ME1: variants seen among roughly 807,000 people sequenced by gnomAD.
ME1 encodes malic enzyme 1, also known as NADP-dependent malic enzyme.
Under a neutral mutation model 66.4 loss-of-function variants are expected in ME1, and 74 were observed. The ratio of observed to expected loss-of-function variants is 1.11; its 90% CI spans 0.92 to 1.35. ME1 has a LOEUF of 1.35. Ranked by LOEUF, ME1 falls within the 40% of genes most tolerant of loss-of-function variation. The pLI, the probability that ME1 is intolerant of heterozygous loss-of-function variation, is 0.00. For synonymous variants in ME1, 251 were observed against 235.6 expected (o/e 1.07, Z -0.60); for missense variants, 750 against 694.1 (o/e 1.08, Z -0.90).
intron 3 of ME1, 25 bp from the exon 4 acceptor site, chr6:83,352,164 GAGT>G (rs779749278): frequency 8.0e-7 from 1 of 1,253,592 alleles, no homozygotes; most frequent in Non-Finnish European, 1.1e-6. Context: ...AAAAAAAAAG[GAGT>G]AGTTTACATT....
intron 1 of ME1, 85 bp from the exon 2 acceptor site, chr6:83,407,986 T>C (rs1769980872): frequency 2.8e-6 from 4 of 1,432,138 alleles, no homozygotes; most frequent in Admixed American, 2.6e-5. Flanking sequence ...CTGACAAGTA[T>C]ATGCAATTAA....
chr6:83,371,615 ATTC>A (rs1313179358), intron 3 of ME1, among the ~76,000 whole-genome samples: 1 of 152,180 alleles, frequency 6.6e-6, no homozygotes, highest in Admixed American at 6.6e-5. Context: ...GTTCAAGCAA[ATTC>A]TTCTGATATG....
At chr6:83,413,865 T>G (rs557811432) in intron 1 of ME1, among the ~76,000 whole-genome samples, 2 of 151,980 alleles carry the variant, frequency 1.3e-5, no homozygotes, top group Non-Finnish European at 2.9e-5. Flanking sequence ...TCCCAGCACA[T>G]TGGGAGGGTA....
intron 6 of ME1, among the ~76,000 whole-genome samples, chr6:83,275,631 A>T (rs1229686720): frequency 6.8e-6 from 1 of 147,752 alleles, no homozygotes; most frequent in Non-Finnish European, 1.5e-5. Context: ...CGCCTGGCTA[A>T]TTTTTTTGTA....
chr6:83,280,254 T>A (rs774485419), intron 6 of ME1, among the ~76,000 whole-genome samples: 12 of 152,208 alleles, frequency 7.9e-5, no homozygotes, highest in South Asian at 6.2e-4. Flanking sequence ...ACCATTTTTT[T>A]AAAAAATAAT....
chr6:83,271,860 CT>C (rs1767087365), intron 6 of ME1, among the ~76,000 whole-genome samples: 1 of 151,980 alleles, frequency 6.6e-6, no homozygotes, highest in Non-Finnish European at 1.5e-5. Flanking sequence ...TTTTTTATTA[CT>C]TTTTTTAAAA....
At chr6:83,389,819 C>T (rs1393356895) in intron 3 of ME1, among the ~76,000 whole-genome samples, 3 of 152,026 alleles carry the variant, frequency 2.0e-5, no homozygotes, top group African/African-American at 4.8e-5. Flanking sequence ...AAAAATCACA[C>T]CTCTATGTAC....
At chr6:83,333,651 TTCTA>T (rs1271150319) in intron 5 of ME1, among the ~76,000 whole-genome samples, 1 of 152,132 alleles carries the variant, frequency 6.6e-6, no homozygotes, top group Non-Finnish European at 1.5e-5. Flanking sequence ...GTTGGAGCAT[TTCTA>T]TCTATTTTAA....
chr6:83,244,458 AG>A (rs1013183351), intron 7 of ME1, among the ~76,000 whole-genome samples: 2 of 152,150 alleles, frequency 1.3e-5, no homozygotes, highest in Non-Finnish European at 2.9e-5. Context: ...ATATACTAAT[AG>A]TACCTATAGG....
At chr6:83,262,830 A>C (rs1766922987) in intron 6 of ME1, among the ~76,000 whole-genome samples, 1 of 152,194 alleles carries the variant, frequency 6.6e-6, no homozygotes, top group African/African-American at 2.4e-5. Flanking sequence ...CTTTTTGGTA[A>C]TGTAGTAAGA....
chr6:83,358,212 C>A (rs192498645), intron 3 of ME1, among the ~76,000 whole-genome samples: 1 of 151,542 alleles, frequency 6.6e-6, no homozygotes, highest in Non-Finnish European at 1.5e-5. Flanking sequence ...TAGTCCTTGG[C>A]GTGAACTGTT....
chr6:83,366,484 T>C (rs576319466), intron 3 of ME1, among the ~76,000 whole-genome samples: 3 of 151,906 alleles, frequency 2.0e-5, no homozygotes, highest in Admixed American at 2.0e-4. Context: ...GAATTTGCCT[T>C]CAAAAAAGAA....
chr6:83,220,025 CA>C, intron 12 of ME1, among the ~76,000 whole-genome samples: 1 of 152,146 alleles, frequency 6.6e-6, no homozygotes, highest in Non-Finnish European at 1.5e-5. Context: ...TATAACGAAT[CA>C]ACTTCAAGTT....
At chr6:83,349,865 T>G (rs1017424050) in intron 4 of ME1, among the ~76,000 whole-genome samples, 1 of 152,210 alleles carries the variant, frequency 6.6e-6, no homozygotes, top group South Asian at 2.1e-4. Flanking sequence ...AATTTCCTTA[T>G]TATCTAAAAA....
At chr6:83,283,287 TG>T (rs1340724073) in intron 6 of ME1, among the ~76,000 whole-genome samples, 1 of 148,236 alleles carries the variant, frequency 6.7e-6, no homozygotes, top group Non-Finnish European at 1.5e-5. Context: ...TGGATGAAGC[TG>T]GAAACCATCC....
intron 1 of ME1, among the ~76,000 whole-genome samples, chr6:83,413,745 C>A (rs1221435951): frequency 6.6e-6 from 1 of 152,050 alleles, no homozygotes; most frequent in Non-Finnish European, 1.5e-5. Context: ...TCCTCCAAGG[C>A]TTCTATAGTG....
intron 6 of ME1, among the ~76,000 whole-genome samples, chr6:83,311,552 T>G (rs370176499): frequency 2.0e-5 from 3 of 152,098 alleles, no homozygotes; most frequent in East Asian, 1.9e-4. Flanking sequence ...TATAGACACA[T>G]GTAAAAGCCA....
At chr6:83,265,503 A>G (rs1766973243) in intron 6 of ME1, among the ~76,000 whole-genome samples, 1 of 151,982 alleles carries the variant, frequency 6.6e-6, no homozygotes, top group Non-Finnish European at 1.5e-5. Context: ...GGCTCACTAC[A>G]TTGCCCAGGC....
intron 6 of ME1, among the ~76,000 whole-genome samples, chr6:83,256,315 A>G (rs1254893373): frequency 2.0e-5 from 3 of 152,226 alleles, no homozygotes; most frequent in Non-Finnish European, 4.4e-5. Context: ...ATTATTTAAT[A>G]GTAACAATAG....
Sources: gnomAD v4.1 joint callset for allele counts (sites outside exome capture counted in the v4.1 genomes callset) on GRCh38, gnomAD v4.1.1 for gene constraint, MANE v1.5 for transcripts, NCBI Gene and HGNC (gene_info 2026-07-23, HGNC 2026-07-21) for gene names.